Variants in MTCL1 observed in about 807,000 individuals in gnomAD.
MTCL1 encodes the protein microtubule crosslinking factor 1.
A neutral mutation model predicts 141.4 loss-of-function variants in MTCL1; 79 were observed. The observed-to-expected ratio is 0.56, with a 90% CI of 0.47 to 0.67. MTCL1 has a LOEUF of 0.67. Among genes scored for constraint, MTCL1 ranks in the 30% least tolerant of loss-of-function variants. MTCL1 has a pLI of 0.00. For missense variants in MTCL1, 2,177 were observed against 2,113.9 expected (o/e 1.03, Z -0.59); for synonymous variants, 914 against 875.8 (o/e 1.04, Z -0.77).
intron 1 of MTCL1, among the ~76,000 whole-genome samples, chr18:8,707,938 C>T (rs958986416): frequency 1.1e-4 from 16 of 152,154 alleles, no homozygotes; most frequent in African/African-American, 3.6e-4. Flanking sequence ...GGTTATTTTA[C>T]TTTGTGCAAG....
At chr18:8,767,206 G>A (rs567771214) in intron 4 of MTCL1, among the ~76,000 whole-genome samples, 8 of 152,216 alleles carry the variant, frequency 5.3e-5, no homozygotes, top group Non-Finnish European at 1.2e-4. Context: ...TTAGAGCTAG[G>A]GATCCTAGCT....
At chr18:8,717,929 G>T (rs1029324898) in exon 2 of MTCL1, 9 of 997,720 alleles carry the variant, frequency 9.0e-6, no homozygotes, top group Non-Finnish European at 1.1e-5. Flanking sequence ...GCTGAGATGC[G>T]TCTTGTGGAA....
At chr18:8,754,709 G>C (rs1388829132) in intron 4 of MTCL1, among the ~76,000 whole-genome samples, 3 of 152,196 alleles carry the variant, frequency 2.0e-5, no homozygotes, top group African/African-American at 7.2e-5. Flanking sequence ...GATGCGTGCA[G>C]TTCTGCAAAA....
exon 6 of MTCL1, chr18:8,784,226 G>C (rs774839168): frequency 1.2e-6 from 2 of 1,610,502 alleles, no homozygotes; most frequent in East Asian, 4.5e-5. Flanking sequence ...CTGCGACCTG[G>C]CAGCCCACCT....
intron 2 of MTCL1, chr18:8,718,053 C>A: frequency 1.2e-6 from 1 of 832,354 alleles, no homozygotes; most frequent in Non-Finnish European, 1.5e-6. Flanking sequence ...ATCTTAGTAC[C>A]TAGATTATGC....
At chr18:8,790,752 C>G (rs1191838998) in intron 7 of MTCL1, among the ~76,000 whole-genome samples, 1 of 152,198 alleles carries the variant, frequency 6.6e-6, no homozygotes, top group Non-Finnish European at 1.5e-5. Flanking sequence ...CGGTGGCTCA[C>G]GCCTGTAATC....
At chr18:8,707,365 GCTTT>G (rs2096063981) in intron 1 of MTCL1, 1 of 152,588 alleles carries the variant, frequency 6.6e-6, no homozygotes, top group African/African-American at 2.4e-5. Context: ...CCAGGAGCCG[GCTTT>G]CTGTGTCAGG....
intron 4 of MTCL1, among the ~76,000 whole-genome samples, chr18:8,763,272 A>C (rs1598544249): frequency 1.3e-5 from 2 of 152,390 alleles, no homozygotes; most frequent in Middle Eastern, 3.4e-3. Flanking sequence ...AGAAAGGGAC[A>C]GCCGTGGAAG....
intron 11 of MTCL1, chr18:8,809,652 C>T (rs780986301): frequency 3.3e-6 from 5 of 1,507,658 alleles, no homozygotes; most frequent in South Asian, 1.2e-5. Context: ...AGAGAGTGGC[C>T]GGGCCTGGTG....
chr18:8,722,646 A>G (rs917471133), intron 4 of MTCL1, among the ~76,000 whole-genome samples: 1 of 152,222 alleles, frequency 6.6e-6, no homozygotes, highest in African/African-American at 2.4e-5. Context: ...AAAGGTCTTC[A>G]TGCTCATAGT....
rs193039690 is a variant in MTCL1 at position 8,779,145 on chromosome 18, G to A, written c.417+1253G>A. Among the ~76,000 whole-genome samples, 1 of 152,364 alleles carries A rather than the reference G, an allele frequency of 6.6e-6. No homozygotes were observed. Among genetic ancestry groups the A allele is most frequent in the Non-Finnish European group, 1.5e-5 (1 of 68,044 alleles). On this transcript the variant is annotated intron_variant, in intron 5 of 16. Transcript: ENST00000359865. This position sits in a 1 kb window ranked among gnomAD's most constrained non-coding sequence, Gnocchi z 4.1. ...TGGGCAGTCACCCGCTCAGGGTGCT[G>A]GCTGGACGGCTGACTTGCAAGCCAA...
chr18:8,756,401 ATATG>A (rs1394486136), intron 4 of MTCL1, among the ~76,000 whole-genome samples: 5 of 149,874 alleles, frequency 3.3e-5, no homozygotes, highest in Non-Finnish European at 5.9e-5. Context: ...ATATATGTAT[ATATG>A]TGTGTATATG....
intron 15 of MTCL1, among the ~76,000 whole-genome samples, chr18:8,826,841 A>G (rs2077042847): frequency 1.3e-5 from 2 of 152,212 alleles, no homozygotes; most frequent in Non-Finnish European, 2.9e-5. Context: ...CCCTAATACA[A>G]TATGATTATC....
At chr18:8,794,190 C>T (rs528179362) in intron 8 of MTCL1, among the ~76,000 whole-genome samples, 1 of 152,300 alleles carries the variant, frequency 6.6e-6, no homozygotes, top group South Asian at 2.1e-4. Flanking sequence ...TTGCATGGCA[C>T]CAAAAATTGT....
intron 4 of MTCL1, among the ~76,000 whole-genome samples, chr18:8,736,936 G>A (rs531410093): frequency 2.6e-5 from 4 of 152,186 alleles, no homozygotes; most frequent in African/African-American, 9.6e-5. Flanking sequence ...CACTGCACCC[G>A]GCCTATCCAT....
At chr18:8,710,875 C>CTTTTTTT (rs1221391279) in intron 1 of MTCL1, among the ~76,000 whole-genome samples, 1 of 41,800 alleles carries the variant, frequency 2.4e-5, no homozygotes, top group Non-Finnish European at 5.0e-5. Context: ...TTTCTTTTTT[C>CTTTTTTT]TTTTTTTTTT....
At chr18:8,815,025 G>C (rs1049968710) in intron 12 of MTCL1, among the ~76,000 whole-genome samples, 10 of 152,148 alleles carry the variant, frequency 6.6e-5, no homozygotes, top group Admixed American at 3.3e-4. Flanking sequence ...CTGTTGGTGG[G>C]ACTGTAAACT....
intron 4 of MTCL1, among the ~76,000 whole-genome samples, chr18:8,745,592 T>C (rs2096332295): frequency 6.6e-6 from 1 of 152,220 alleles, no homozygotes; most frequent in Non-Finnish European, 1.5e-5. Context: ...TTACAAAACA[T>C]GTGTCTGTGA....
intron 11 of MTCL1, among the ~76,000 whole-genome samples, chr18:8,808,332 TC>T (rs2076372133): frequency 6.6e-6 from 1 of 152,210 alleles, no homozygotes; most frequent in African/African-American, 2.4e-5. Context: ...GTTAAGTGTT[TC>T]CAAAGCCCGA....
Sources: allele counts gnomAD v4.1 joint callset (sites outside exome capture counted in the v4.1 genomes callset), GRCh38; gene constraint gnomAD v4.1.1; non-coding constraint Gnocchi (gnomAD v3.1); transcripts MANE v1.5; gene names NCBI Gene and HGNC (gene_info 2026-07-23, HGNC 2026-07-21).